Variants in SLC24A4 observed in about 807,000 individuals in gnomAD.
The protein encoded by SLC24A4 is solute carrier family 24 member 4, also known as sodium/potassium/calcium exchanger 4.
In SLC24A4, 53 loss-of-function variants were observed where a neutral mutation model predicts 79.0. The observed-to-expected ratio is 0.67, with a 90% CI of 0.54 to 0.84. The LOEUF (loss-of-function observed/expected upper bound fraction) is 0.84. SLC24A4 is among the 40% of genes least tolerant of loss of function. The pLI is 0.00. For synonymous variants in SLC24A4, 323 were observed against 323.8 expected, an observed-to-expected ratio of 1.00 and a Z score of 0.03; for missense variants, 731 against 822.0, an observed-to-expected ratio of 0.89 and a Z score of 1.35.
chr14:92,361,076 G>A (rs1482164642), intron 2 of SLC24A4, among the ~76,000 whole-genome samples: 4 of 152,178 alleles, frequency 2.6e-5, no homozygotes, highest in East Asian at 1.9e-4. Context: ...CTGCTTTCAG[G>A]TAGACAACAG....
intron 13 of SLC24A4, chr14:92,484,719 C>T: frequency 1.0e-6 from 1 of 985,426 alleles, no homozygotes; most frequent in Non-Finnish European, 1.2e-6. Context: ...CCCAGAACCT[C>T]ATTCATGTCC....
At chr14:92,358,378 T>C (rs1887298932) in intron 2 of SLC24A4, among the ~76,000 whole-genome samples, 1 of 152,130 alleles carries the variant, frequency 6.6e-6, no homozygotes, top group Admixed American at 6.5e-5. Context: ...AGAGCACAAG[T>C]GGAAATCCCA....
rs969891075 is a variant in SLC24A4, at chr14:92,449,343, T to G, written c.880+127T>G. 16 of 1,269,448 alleles carry G rather than the reference T, an allele frequency of 1.3e-5. No homozygotes were observed. The Admixed American group carries it at 3.3e-4, about 26-fold the overall frequency. The allele number at this position is 1,269,448 out of a possible 1,614,324, so 78.6% of individuals were successfully genotyped here. On this transcript the variant is annotated intron_variant, in intron 10 of 16. Coordinates refer to ENST00000532405, the MANE Select transcript of SLC24A4 (RefSeq NM_153646.4). ...ACACACCCTCTCACAATGTCCCCCCTCTAAATTGTCACTCTCTTACCTTTG... is the reference window on the plus strand; with the variant it reads ...ACACACCCTCTCACAATGTCCCCCCGCTAAATTGTCACTCTCTTACCTTTG...
At chr14:92,358,273 A>G (rs1887292514) in intron 2 of SLC24A4, among the ~76,000 whole-genome samples, 1 of 152,214 alleles carries the variant, frequency 6.6e-6, no homozygotes, top group African/African-American at 2.4e-5. Context: ...CCATCCATCT[A>G]AAGAGCAAAT....
chr14:92,408,005 A>G (rs1008767880), intron 2 of SLC24A4, among the ~76,000 whole-genome samples: 3 of 149,766 alleles, frequency 2.0e-5, no homozygotes, highest in African/African-American at 7.4e-5. Context: ...GGTTATATGT[A>G]TGCTTGTTGC....
intron 2 of SLC24A4, among the ~76,000 whole-genome samples, chr14:92,383,202 C>T (rs1165221358): frequency 6.6e-6 from 1 of 152,156 alleles, no homozygotes; most frequent in Non-Finnish European, 1.5e-5. Context: ...AGAAGGAGAC[C>T]TGATGTTTAT....
intron 9 of SLC24A4, among the ~76,000 whole-genome samples, chr14:92,448,120 A>G (rs1446275936): frequency 2.0e-5 from 3 of 152,164 alleles, no homozygotes; most frequent in Non-Finnish European, 4.4e-5. Flanking sequence ...GAAGAGCCAG[A>G]TTCATAGAGG....
chr14:92,328,478 G>A (rs1223757130), intron 2 of SLC24A4, among the ~76,000 whole-genome samples: 1 of 152,208 alleles, frequency 6.6e-6, no homozygotes, highest in African/African-American at 2.4e-5. Context: ...GTAGCCTGGG[G>A]GACTAGATGA....
At chr14:92,331,518 A>G (rs1029305924) in intron 2 of SLC24A4, among the ~76,000 whole-genome samples, 2 of 152,200 alleles carry the variant, frequency 1.3e-5, no homozygotes, top group Non-Finnish European at 1.5e-5. Flanking sequence ...CCTAAGCTCC[A>G]GCGCTCTGTC....
chr14:92,442,353 G>A (rs945973424), intron 5 of SLC24A4, among the ~76,000 whole-genome samples, 180 bp downstream of exon 5: 2 of 152,190 alleles, frequency 1.3e-5, no homozygotes, highest in African/African-American at 4.8e-5. Flanking sequence ...GTGCTGAGGG[G>A]TGATAAAAAT....
In SLC24A4 at chr14:92,323,423, G is replaced by C. The variant is rs1471111595; in HGVS notation, c.-408G>C. Among the ~76,000 whole-genome samples, 1 of 151,762 alleles carries C rather than the reference G, an allele frequency of 6.6e-6. No individual in the cohort carries two copies. The highest frequency in any genetic ancestry group is 2.1e-4 in the South Asian group (1 of 4,830). On this transcript the variant is annotated 5_prime_UTR_variant, in exon 1 of 17. Coordinates refer to ENST00000532405, the MANE Select transcript of SLC24A4 (RefSeq NM_153646.4). The surrounding 1 kb of genome is among the most constrained non-coding windows in gnomAD (Gnocchi z 4.9). ...GAGTGGGCGCGGCGGCGCGGGGCGC[G>C]GGGGCGCACTGAGTGCTCCCTACGG...
At chr14:92,448,961 C>T in intron 9 of SLC24A4, 113 bp from the exon 10 acceptor site, 1 of 1,295,724 alleles carries the variant, frequency 7.7e-7, no homozygotes, top group African/African-American at 1.5e-5. Context: ...CCCTGCCACC[C>T]ACCACTCCTG....
At chr14:92,404,620 G>T (rs1890277843) in intron 2 of SLC24A4, among the ~76,000 whole-genome samples, 1 of 152,138 alleles carries the variant, frequency 6.6e-6, no homozygotes, top group African/African-American at 2.4e-5. Flanking sequence ...TGGTCATTCA[G>T]GTCCCTGTGC....
rs1267653899 is a variant in SLC24A4, at chr14:92,486,677, C to T, written c.1434C>T (p.Ile478=). The T allele has an allele frequency of 6.8e-6, 11 of 1,612,874 alleles. No homozygotes were observed. The Middle Eastern group carries it at 6.6e-4, about 97-fold the overall frequency. Reference sequence around the variant, plus strand: ...CCCACATTCTGCAGGTGACTATTATCGGATACACACTTGGGATCCCGGATG... The same window carrying T: ...CCCACATTCTGCAGGTGACTATTATTGGATACACACTTGGGATCCCGGATG... The part of the protein sequence containing the change: ...SYIMVWLVTI[I]GYTLGIPDVI... Residue 478 remains isoleucine (I), a synonymous_variant, in exon 14 of 17, where the codon ATC becomes ATT. Transcript: ENST00000532405.
intron 4 of SLC24A4, among the ~76,000 whole-genome samples, chr14:92,440,655 G>A (rs1201631720): frequency 6.6e-6 from 1 of 151,994 alleles, no homozygotes; most frequent in Non-Finnish European, 1.5e-5. Flanking sequence ...GTATCCCTAA[G>A]GATAGAGGTG....
At chr14:92,480,286 C>CTTTTTTTTTTTTTTTTTT (rs66533065) in intron 12 of SLC24A4, among the ~76,000 whole-genome samples, 1 of 63,126 alleles carries the variant, frequency 1.6e-5, no homozygotes, top group Non-Finnish European at 2.9e-5. Flanking sequence ...AGATCTTTCC[C>CTTTTTTTTTTTTTTTTTT]TTTTTTTTTT....
intron 2 of SLC24A4, among the ~76,000 whole-genome samples, chr14:92,358,978 G>A (rs544496135): frequency 4.6e-5 from 7 of 152,028 alleles, no homozygotes; most frequent in South Asian, 4.2e-4. Context: ...GAGCCACCAC[G>A]CCCGGCCAAA....
At chr14:92,444,123 A>AC (rs1595290926) in intron 7 of SLC24A4, among the ~76,000 whole-genome samples, 1 of 151,960 alleles carries the variant, frequency 6.6e-6, no homozygotes, top group Admixed American at 6.6e-5. Context: ...TGCCTACCAC[A>AC]CCCCCCAAAA....
chr14:92,416,797 G>T (rs1891007034), intron 2 of SLC24A4, among the ~76,000 whole-genome samples: 1 of 152,226 alleles, frequency 6.6e-6, no homozygotes, highest in Non-Finnish European at 1.5e-5. Flanking sequence ...TAGTGGAAAT[G>T]TTTCTGACAG....
Sources: gnomAD v4.1 joint callset for allele counts (sites outside exome capture counted in the v4.1 genomes callset) on GRCh38, gnomAD v4.1.1 for gene constraint, Gnocchi (gnomAD v3.1) non-coding constraint, MANE v1.5 for transcripts, NCBI Gene and HGNC (gene_info 2026-07-23, HGNC 2026-07-21) for gene names.